MTUS2: variants seen among roughly 807,000 people sequenced by gnomAD.
The protein encoded by MTUS2 is microtubule-associated tumor suppressor candidate 2.
In MTUS2, 40 loss-of-function variants were observed where a neutral mutation model predicts 114.1. The ratio of observed to expected loss-of-function variants is 0.35; its 90% confidence interval spans 0.27 to 0.46. The LOEUF (loss-of-function observed/expected upper bound fraction) is 0.46, where lower values mean the gene tolerates loss of function less well. Among genes scored for constraint, MTUS2 ranks in the 20% least tolerant of loss-of-function variants. The pLI is 1.00. For synonymous variants in MTUS2, 688 were observed against 672.0 expected, an observed-to-expected ratio of 1.02 and a Z score of -0.37; for missense variants, 1,679 against 1,705.4, an observed-to-expected ratio of 0.98 and a Z score of 0.27.
Position 28,867,192 on chromosome 13 carries a change from G to A in MTUS2, c.-243+27342G>A, listed in dbSNP as rs116334180. 5.0e-3 allele frequency among the ~76,000 whole-genome samples: 757 copies of A among 152,300 alleles called. 11 individuals are homozygous for A. Among genetic ancestry groups the A allele is most frequent in the African/African-American group, 0.017 (722 of 41,548 alleles). ...GCAACATTTTTAGCTTCTGAAGGAAGGACCTGTGCTCTTTAATGTTAAGCA... is the reference window on the plus strand; with the variant it reads ...GCAACATTTTTAGCTTCTGAAGGAAAGACCTGTGCTCTTTAATGTTAAGCA... On this transcript the variant is annotated intron_variant, in intron 2 of 15. Transcript: ENST00000612955.
intron 8 of MTUS2, among the ~76,000 whole-genome samples, chr13:29,370,884 T>G (rs1871134561): frequency 6.6e-6 from 1 of 152,228 alleles, no homozygotes; most frequent in South Asian, 2.1e-4. Context: ...AATAGCTCCA[T>G]TAATTTCAGA....
At chr13:29,328,332 A>G (rs993323152) in intron 7 of MTUS2, among the ~76,000 whole-genome samples, 1 of 152,288 alleles carries the variant, frequency 6.6e-6, no homozygotes, top group South Asian at 2.1e-4. Flanking sequence ...TGAAGCAGCC[A>G]GATTACAGCT....
intron 5 of MTUS2, among the ~76,000 whole-genome samples, chr13:29,155,676 G>A (rs1327708933): frequency 6.6e-6 from 1 of 152,004 alleles, no homozygotes; most frequent in African/African-American, 2.4e-5. Flanking sequence ...CAGAAATTCT[G>A]TATTTCTAAC....
chr13:29,026,927 G>C, intron 3 of MTUS2, 24 bp downstream of exon 3: 1 of 1,548,578 alleles, frequency 6.5e-7, no homozygotes, highest in Non-Finnish European at 8.7e-7. Flanking sequence ...ATTATGATAT[G>C]GTCTATAAGT....
At chr13:28,932,728 C>T (rs1036829184) in intron 2 of MTUS2, among the ~76,000 whole-genome samples, 12 of 152,122 alleles carry the variant, frequency 7.9e-5, no homozygotes, top group Non-Finnish European at 1.6e-4. Context: ...AGTTATAAGC[C>T]ACTGAGATTT....
intron 8 of MTUS2, among the ~76,000 whole-genome samples, chr13:29,413,432 A>G (rs1043138576): frequency 1.4e-5 from 2 of 145,574 alleles, no homozygotes; most frequent in African/African-American, 2.6e-5. Context: ...AGCAATGGCA[A>G]CAAAAGCCAA....
At chr13:29,192,030 A>G (rs564416300) in intron 5 of MTUS2, among the ~76,000 whole-genome samples, 1 of 152,238 alleles carries the variant, frequency 6.6e-6, no homozygotes, top group African/African-American at 2.4e-5. Flanking sequence ...CGTAAGGAGG[A>G]TGTCATAAAT....
At position 29,446,040 on chromosome 13, in the gene MTUS2, T is replaced by C. The variant is rs550805186; in HGVS notation, c.3184+5991T>C. On this transcript the variant is annotated intron_variant, in intron 9 of 15. Transcript: ENST00000612955. ...TTGTTCCTTCTGGTGACCAGCCCCA[T>C]CCTAAAGTCAAACAGGGACCCTACC... is the stretch of plus-strand genomic sequence containing the variant. 1.1e-4 allele frequency among the ~76,000 whole-genome samples: 17 copies of C among 152,220 alleles called. No individual in the cohort carries two copies. The South Asian group carries it at 1.7e-3, about 15-fold the overall frequency.
At chr13:29,130,777 C>T (rs766074734) in intron 5 of MTUS2, among the ~76,000 whole-genome samples, 1 of 152,056 alleles carries the variant, frequency 6.6e-6, no homozygotes, top group Non-Finnish European at 1.5e-5. Flanking sequence ...AGGCATGCAC[C>T]ACCATACCCA....
intron 7 of MTUS2, among the ~76,000 whole-genome samples, chr13:29,334,456 C>A (rs1434975921): frequency 6.6e-6 from 1 of 152,164 alleles, no homozygotes; most frequent in Non-Finnish European, 1.5e-5. Flanking sequence ...ATTTCCCCTT[C>A]ACTTTTGAAG....
At chr13:28,909,576 C>G (rs1462877073) in intron 2 of MTUS2, among the ~76,000 whole-genome samples, 1 of 152,178 alleles carries the variant, frequency 6.6e-6, no homozygotes, top group Non-Finnish European at 1.5e-5. Context: ...CAATATCATA[C>G]TGAATCACAA....
At chr13:28,916,617 T>C (rs1880759330) in intron 2 of MTUS2, among the ~76,000 whole-genome samples, 1 of 151,870 alleles carries the variant, frequency 6.6e-6, no homozygotes, top group Non-Finnish European at 1.5e-5. Context: ...TATGTTCATT[T>C]TCTATTCTGC....
At chr13:29,052,220 G>A (rs1412377294) in intron 4 of MTUS2, among the ~76,000 whole-genome samples, 2 of 152,110 alleles carry the variant, frequency 1.3e-5, no homozygotes, top group Admixed American at 6.5e-5. Flanking sequence ...AGTGGCTCAC[G>A]CCTGTAATCC....
At chr13:29,170,907 G>A (rs1893528938) in intron 5 of MTUS2, among the ~76,000 whole-genome samples, 1 of 152,272 alleles carries the variant, frequency 6.6e-6, no homozygotes, top group East Asian at 1.9e-4. Flanking sequence ...AAAAAATGTG[G>A]CAGCCATCCC....
chr13:29,389,399 A>ATGTATACACGTGTGTGTGTATG lies in MTUS2; in HGVS notation c.3117+29927_3117+29928insGTATACACGTGTGTGTGTATGT, dbSNP rs1555272437. 1.8e-3 allele frequency among the ~76,000 whole-genome samples: 124 copies of ATGTATACACGTGTGTGTGTATG among 67,968 alleles called. 7 individuals carry two copies. Among genetic ancestry groups the ATGTATACACGTGTGTGTGTATG allele is most frequent in the African/African-American group, 7.1e-3 (92 of 12,936 alleles). The allele number at this position is 67,968 out of a possible 152,430, so 44.6% of individuals were successfully genotyped here. A position where few individuals can be genotyped will look rare whatever the true frequency, so the allele number is the denominator to read the frequency against. ...TATATATGTATACACGTGTGTGTATATATGTATACACGTGTGTGTGTATGT... is the reference window on the plus strand; with the variant it reads ...TATATATGTATACACGTGTGTGTATATGTATACACGTGTGTGTGTATGTATGTATACACGTGTGTGTGTATGT... On this transcript the variant is annotated intron_variant, in intron 8 of 15. Transcript: ENST00000612955.
chr13:29,117,433 C>T (rs954433266), intron 5 of MTUS2, among the ~76,000 whole-genome samples: 1 of 152,146 alleles, frequency 6.6e-6, no homozygotes, highest in Non-Finnish European at 1.5e-5. Flanking sequence ...CTTCCATGCT[C>T]GCGTTAAGTA....
intron 8 of MTUS2, among the ~76,000 whole-genome samples, chr13:29,387,209 A>G (rs2138395928): frequency 6.6e-6 from 1 of 152,338 alleles, no homozygotes. Context: ...GTGGCTGCAC[A>G]TGGAAGGCAG....
At chr13:29,050,337 T>A (rs1887833998) in intron 4 of MTUS2, among the ~76,000 whole-genome samples, 1 of 152,104 alleles carries the variant, frequency 6.6e-6, no homozygotes, top group Non-Finnish European at 1.5e-5. Flanking sequence ...CATGGACTCA[T>A]CTCAACAGAG....
chr13:29,064,317 A>C (rs1888556337), intron 4 of MTUS2, among the ~76,000 whole-genome samples: 1 of 150,626 alleles, frequency 6.6e-6, no homozygotes, highest in Non-Finnish European at 1.5e-5. Flanking sequence ...GTTGGTTGTC[A>C]CTGAAAATAA....
Sources: allele counts gnomAD v4.1 joint callset (sites outside exome capture counted in the v4.1 genomes callset), GRCh38; gene constraint gnomAD v4.1.1; transcripts MANE v1.5; gene names NCBI Gene and HGNC (gene_info 2026-07-23, HGNC 2026-07-21).